ARHGEF1: variants seen among roughly 807,000 people sequenced by gnomAD.
ARHGEF1 encodes the protein Rho guanine nucleotide exchange factor 1.
In ARHGEF1, 40 loss-of-function variants were observed where a neutral mutation model predicts 119.7. The observed-to-expected ratio is 0.33, with a 90% confidence interval of 0.26 to 0.44. The LOEUF (loss-of-function observed/expected upper bound fraction) is 0.44. Among genes scored for constraint, ARHGEF1 ranks in the 20% least tolerant of loss-of-function variants. The pLI, the probability that ARHGEF1 is intolerant of heterozygous loss-of-function variation, is 1.00. For synonymous variants in ARHGEF1, 494 were observed against 521.0 expected (o/e 0.95, Z 0.71); for missense variants, 976 against 1,268.3 (o/e 0.77, Z 3.50).
downstream of ARHGEF1, chr19:41,909,809 G>C: frequency 6.6e-7 from 1 of 1,514,574 alleles, no homozygotes; most frequent in African/African-American, 1.4e-5. This position sits in a 1 kb window ranked among gnomAD's most constrained non-coding sequence, Gnocchi z 5.2. Flanking sequence ...GGGCACCAGA[G>C]GGACAGTTGG....
At position 41,892,562 on chromosome 19, in the gene ARHGEF1, A is replaced by G. The variant is rs1180897476; in HGVS notation, c.368-41A>G. On this transcript the variant is annotated intron_variant, in intron 6 of 28. Transcript: ENST00000354532. The surrounding 1 kb of genome is among the most constrained non-coding windows in gnomAD (Gnocchi z 6.3). Reference sequence around the variant, plus strand: ...GTGGGTGGGGACCGTGGTCCAAGCCACCAGGGAGCTGGACCCTAGCCCCCA... The same window carrying G: ...GTGGGTGGGGACCGTGGTCCAAGCCGCCAGGGAGCTGGACCCTAGCCCCCA... The G allele has an allele frequency of 6.4e-7, 1 of 1,565,898 alleles. No individual in the cohort carries two copies. Among genetic ancestry groups the G allele is most frequent in the Admixed American group, 1.8e-5 (1 of 56,870 alleles).
At chr19:41,887,418 G>A (rs782409990) in intron 1 of ARHGEF1, among the ~76,000 whole-genome samples, 18 of 152,086 alleles carry the variant, frequency 1.2e-4, no homozygotes, top group Non-Finnish European at 4.4e-5. Flanking sequence ...CTTGGTTTCT[G>A]GGACTGGAAG....
intron 18 of ARHGEF1, chr19:41,912,909 C>T: frequency 2.4e-6 from 3 of 1,231,612 alleles, no homozygotes; most frequent in Non-Finnish European, 2.0e-6. Context: ...GGAGACGCAG[C>T]TACAGTCCAT....
At chr19:41,908,275 G>A (rs1322674380), downstream of ARHGEF1, 5 of 1,231,636 alleles carry the variant, frequency 4.1e-6, no homozygotes, top group Non-Finnish European at 5.1e-6. This position sits in a 1 kb window ranked among gnomAD's most constrained non-coding sequence, Gnocchi z 6.7. Flanking sequence ...GGGGGTGCCG[G>A]GAGACCCTCA....
chr19:41,901,187 G>A (rs1297911426), intron 14 of ARHGEF1, among the ~76,000 whole-genome samples: 1 of 150,318 alleles, frequency 6.7e-6, no homozygotes, highest in African/African-American at 2.5e-5. Flanking sequence ...GTCTCGTTCT[G>A]TCACCAGGCT....
Position 41,903,245 on chromosome 19 carries a change from C to A in ARHGEF1, c.1739-62C>A. On this transcript the variant is annotated intron_variant, in intron 18 of 28. Coordinates refer to ENST00000354532, the MANE Select transcript of ARHGEF1 (RefSeq NM_004706.4). The surrounding 1 kb of genome is among the most constrained non-coding windows in gnomAD (Gnocchi z 4.2). ...CCAGCTGTCCTTTGTCTAACCTTGG[C>A]TGCCCAATCTGGAGCCTCCAGGGCA... 6.7e-7 allele frequency: 1 copy of A among 1,499,822 alleles called. No homozygotes were observed. The highest frequency in any genetic ancestry group is 9.2e-7 in the Non-Finnish European group (1 of 1,081,196). 92.9% of individuals were successfully genotyped at this position (1,499,822 alleles called of 1,614,324 possible). A position where few individuals can be genotyped will look rare whatever the true frequency, so the allele number is the denominator to read the frequency against.
upstream of ARHGEF1, among the ~76,000 whole-genome samples, chr19:41,921,083 G>GC (rs1436116106): frequency 2.0e-5 from 3 of 152,202 alleles, no homozygotes; most frequent in African/African-American, 7.2e-5. The surrounding 1 kb of genome is among the most constrained non-coding windows in gnomAD (Gnocchi z 4.4). Context: ...GGAGGTGGGA[G>GC]CCGCAGTGCC....
chr19:41,924,811 G>A (rs782665611), intron 1 of ARHGEF1, among the ~76,000 whole-genome samples: 2 of 152,140 alleles, frequency 1.3e-5, no homozygotes, highest in Admixed American at 6.5e-5. Flanking sequence ...TCAGAGACAC[G>A]TGCTAGGAAA....
At chr19:41,887,957 G>T (rs782758523) in intron 1 of ARHGEF1, 107 bp from the exon 2 acceptor site, 6 of 1,264,866 alleles carry the variant, frequency 4.7e-6, no homozygotes, top group African/African-American at 3.1e-5. Flanking sequence ...AGGCTGGGAT[G>T]GGGGAGGCTG....
chr19:41,902,997 C>A lies in ARHGEF1; in HGVS notation c.1738+99C>A. The A allele has an allele frequency of 1.0e-6, 1 of 989,338 alleles. No individual in the cohort carries two copies. Among genetic ancestry groups the A allele is most frequent in the Non-Finnish European group, 1.5e-6 (1 of 686,004 alleles). The allele number at this position is 989,338 out of a possible 1,614,324, so 61.3% of individuals were successfully genotyped here. ...TCAGTGATACCATCACAGCTCACTGCAGCCTCAACCTCCCAGGATCTACCA... is the reference window on the plus strand; with the variant it reads ...TCAGTGATACCATCACAGCTCACTGAAGCCTCAACCTCCCAGGATCTACCA... On this transcript the variant is annotated intron_variant, in intron 18 of 28. Coordinates refer to ENST00000354532, the MANE Select transcript of ARHGEF1 (RefSeq NM_004706.4). The surrounding 1 kb of genome is among the most constrained non-coding windows in gnomAD (Gnocchi z 6.5).
intron 12 of ARHGEF1, 83 bp downstream of exon 12, chr19:41,895,569 A>G: frequency 6.9e-7 from 1 of 1,448,182 alleles, no homozygotes; most frequent in Non-Finnish European, 9.2e-7. Flanking sequence ...ACCCCCAGAT[A>G]GAAGCCATTC....
intron 1 of ARHGEF1, among the ~76,000 whole-genome samples, chr19:41,927,273 C>T (rs1027895551): frequency 6.6e-6 from 1 of 152,076 alleles, no homozygotes; most frequent in Non-Finnish European, 1.5e-5. Context: ...CAGAGGGCCC[C>T]GGCCCCACGA....
rs782484957 is a variant in ARHGEF1, at chr19:41,904,255, T to C, written c.2033T>C (p.Leu678Pro). 1.2e-6 allele frequency: 2 copies of C among 1,613,164 alleles called. No homozygotes were observed. Among genetic ancestry groups the C allele is most frequent in the Non-Finnish European group, 1.7e-6 (2 of 1,179,812 alleles). ...CTGCTGGACGACCTGCTGCTGCTGC[T>C]CCAGCGCCAGGACGAGCGGCTGCTG... ...VLLLDDLLLL[L>P]QRQDERLLLK... The change falls in exon 22 of 29, where the codon CTC becomes CCC. Residue 678 changes from leucine (L) to proline (P), a missense_variant. By Grantham distance (98) the Leu-to-Pro change is moderately conservative. This residue lies in a region of ARHGEF1 where 286 missense variants were observed against 506.8 expected (regional missense o/e 0.56). Coordinates refer to ENST00000354532, the MANE Select transcript of ARHGEF1 (RefSeq NM_004706.4). The surrounding 1 kb of genome is among the most constrained non-coding windows in gnomAD (Gnocchi z 8.4).
chr19:41,894,049 CAG>C (rs1243790065), intron 8 of ARHGEF1, among the ~76,000 whole-genome samples, 156 bp from the exon 9 acceptor site: 3 of 148,426 alleles, frequency 2.0e-5, no homozygotes, highest in East Asian at 1.9e-4. Context: ...CATCTCTCCT[CAG>C]AGTCTCACAG....
downstream of ARHGEF1, among the ~76,000 whole-genome samples, chr19:41,912,311 C>T (rs1198101610): frequency 6.6e-6 from 1 of 152,208 alleles, no homozygotes; most frequent in Non-Finnish European, 1.5e-5. Context: ...CTGTCTGTCT[C>T]TCACACACAC....
In ARHGEF1 at chr19:41,895,524, C is replaced by T. The variant is rs201315049; in HGVS notation, c.1015+38C>T. ...TGGGCCAGGGCTCCATGAGGCCCGG[C>T]GATCCAGGGTGGGGGTGCTGCCTGC... On this transcript the variant is annotated intron_variant, in intron 12 of 28. Coordinates refer to ENST00000354532, the MANE Select transcript of ARHGEF1 (RefSeq NM_004706.4). 7.6e-5 allele frequency: 119 copies of T among 1,555,610 alleles called. No homozygotes were observed. The East Asian group carries it at 2.5e-3, about 32-fold the overall frequency.
At chr19:41,898,022 G>A (rs868920942) in intron 13 of ARHGEF1, 3 of 1,336,138 alleles carry the variant, frequency 2.2e-6, no homozygotes, top group East Asian at 6.0e-5. Context: ...CAGCCTCGGG[G>A]CTAAGGGCCG....
chr19:41,908,529 G>C, downstream of ARHGEF1: 1 of 1,231,856 alleles, frequency 8.1e-7, no homozygotes, highest in East Asian at 3.2e-5. This position sits in a 1 kb window ranked among gnomAD's most constrained non-coding sequence, Gnocchi z 6.7. Context: ...ACTGGCCAGA[G>C]GGTTGGGGTA....
At chr19:41,896,923 T>TCTCCCCTCCCCCC in intron 13 of ARHGEF1, 1 of 251,970 alleles carries the variant, frequency 4.0e-6, no homozygotes, top group Non-Finnish European at 7.4e-6. Context: ...CACCTCCCTC[T>TCTCCCCTCCCCCC]TCCTCTCTCA....
Sources: allele counts gnomAD v4.1 joint callset (sites outside exome capture counted in the v4.1 genomes callset), GRCh38; gene constraint gnomAD v4.1.1; regional missense constraint gnomAD v4.1.1; non-coding constraint Gnocchi (gnomAD v3.1); transcripts MANE v1.5; gene names NCBI Gene and HGNC (gene_info 2026-07-23, HGNC 2026-07-21).